DIRAS2: variants seen among roughly 807,000 people sequenced by gnomAD.
DIRAS2 encodes GTP-binding protein Di-Ras2.
In DIRAS2, 5 loss-of-function variants were observed where a neutral mutation model predicts 13.9. The ratio of observed to expected loss-of-function variants is 0.36; its 90% CI spans 0.19 to 0.76. DIRAS2 has a LOEUF of 0.76. DIRAS2 is among the 30% of genes least tolerant of loss of function. The probability of loss-of-function intolerance (pLI) is 0.53; values close to 1 mark genes in which losing one functional copy is unlikely to be tolerated. For synonymous variants in DIRAS2, 111 were observed against 105.4 expected (o/e 1.05, Z -0.33); for missense variants, 191 against 263.0 (o/e 0.73, Z 1.89).
In DIRAS2 at chr9:90,613,060, T is replaced by C; in HGVS notation, c.*168A>G. 1.1e-6 allele frequency: 1 copy of C among 937,548 alleles called. No homozygotes were observed. Among genetic ancestry groups the C allele is most frequent in the Non-Finnish European group, 1.6e-6 (1 of 641,800 alleles). 58.1% of individuals were successfully genotyped at this position (937,548 alleles called of 1,614,324 possible). A position where few individuals can be genotyped will look rare whatever the true frequency, so the allele number is the denominator to read the frequency against. ...ATTCTGTGACTCCAGAGTGGGTGGC[T>C]TACTGTTGGTGGTGTGAAACGCCCT... On this transcript the variant is annotated 3_prime_UTR_variant, in exon 2 of 2. Transcript: ENST00000375765. The surrounding 1 kb of genome is among the most constrained non-coding windows in gnomAD (Gnocchi z 5.6).
In DIRAS2 at chr9:90,611,704, C is replaced by G. The variant is rs1012111281; in HGVS notation, c.*1524G>C. On this transcript the variant is annotated 3_prime_UTR_variant, in exon 2 of 2. Coordinates refer to ENST00000375765, the MANE Select transcript of DIRAS2 (RefSeq NM_017594.5). ...AACAGCCATGCAGCCCCCACCCCCC[C>G]AGGCAGGCCCACGTGGGACTGCAGC... The G allele has an allele frequency of 7.0e-4, 106 of 152,334 alleles. No individual in the cohort carries two copies. Among genetic ancestry groups the G allele is most frequent in the African/African-American group, 2.5e-3 (102 of 41,468 alleles). 9.4% of individuals were successfully genotyped at this position (152,334 alleles called of 1,614,324 possible).
chr9:90,610,488 A>G lies in DIRAS2; in HGVS notation c.*2740T>C. 5.0e-6 allele frequency: 2 copies of G among 399,040 alleles called. No individual in the cohort carries two copies. The highest frequency in any genetic ancestry group is 6.3e-4 in the Middle Eastern group (1 of 1,588). The allele number at this position is 399,040 out of a possible 1,614,324, so 24.7% of individuals were successfully genotyped here. A position where few individuals can be genotyped will look rare whatever the true frequency, so the allele number is the denominator to read the frequency against. ...GTCATGGAGCCCCATGCTCATGCCCAGAGCGCCATCTTCAAAGCAATATTT... is the reference window on the plus strand; with the variant it reads ...GTCATGGAGCCCCATGCTCATGCCCGGAGCGCCATCTTCAAAGCAATATTT... On this transcript the variant is annotated 3_prime_UTR_variant, in exon 2 of 2. Coordinates refer to ENST00000375765, the MANE Select transcript of DIRAS2 (RefSeq NM_017594.5).
chr9:90,619,656 A>T (rs1253043156), intron 1 of DIRAS2, among the ~76,000 whole-genome samples: 1 of 152,218 alleles, frequency 6.6e-6, no homozygotes, highest in East Asian at 1.9e-4. Context: ...TCAAAAGGTT[A>T]AACAGAATTA....
intron 1 of DIRAS2, among the ~76,000 whole-genome samples, chr9:90,614,260 G>A (rs1426863492): frequency 6.7e-6 from 1 of 149,972 alleles, no homozygotes; most frequent in Non-Finnish European, 1.5e-5. Flanking sequence ...GCATATCTTT[G>A]CTGTTTTACC....
intron 1 of DIRAS2, among the ~76,000 whole-genome samples, chr9:90,617,814 TAACTC>T (rs1188975406): frequency 6.6e-6 from 1 of 152,222 alleles, no homozygotes; most frequent in Non-Finnish European, 1.5e-5. Context: ...TTTAAGAAAA[TAACTC>T]AATTTATAAT....
chr9:90,626,441 T>TA (rs35821705), intron 1 of DIRAS2, among the ~76,000 whole-genome samples: 48,775 of 134,794 alleles, frequency 0.36, 9,225 homozygotes, highest in East Asian at 0.61. Flanking sequence ...CCCCATTTCT[T>TA]AAAAAAAAAA....
At chr9:90,624,641 G>T (rs72746510) in intron 1 of DIRAS2, among the ~76,000 whole-genome samples, 4,953 of 152,188 alleles carry the variant, frequency 0.033, 135 homozygotes, top group South Asian at 0.12. Context: ...ACTTATATTT[G>T]TCTAGAACAA....
chr9:90,629,842 T>A (rs1035627206), intron 1 of DIRAS2, among the ~76,000 whole-genome samples: 15 of 151,266 alleles, frequency 9.9e-5, no homozygotes, highest in African/African-American at 3.6e-4. Context: ...TTTATTCCCA[T>A]TTTTTTTTCA....
intron 1 of DIRAS2, among the ~76,000 whole-genome samples, chr9:90,630,382 C>A (rs1378530995): frequency 6.6e-6 from 1 of 152,178 alleles, no homozygotes; most frequent in East Asian, 1.9e-4. Flanking sequence ...TAAAAACTTA[C>A]ACAAAGATAT....
intron 1 of DIRAS2, among the ~76,000 whole-genome samples, chr9:90,634,209 C>A (rs1389749556): frequency 6.6e-6 from 1 of 152,060 alleles, no homozygotes; most frequent in Non-Finnish European, 1.5e-5. Flanking sequence ...AGTGAAGTGA[C>A]CTTGGATGAT....
chr9:90,632,431 C>G (rs888237054), intron 1 of DIRAS2, among the ~76,000 whole-genome samples: 1 of 152,196 alleles, frequency 6.6e-6, no homozygotes, highest in Non-Finnish European at 1.5e-5. Context: ...TCCCACAGGC[C>G]TGTGTTAAAA....
At chr9:90,641,946 A>G (rs1825422325) in intron 1 of DIRAS2, among the ~76,000 whole-genome samples, 1 of 152,240 alleles carries the variant, frequency 6.6e-6, no homozygotes, top group African/African-American at 2.4e-5. Context: ...ATTCCACCAC[A>G]ATGTTGTATT....
chr9:90,629,329 C>T (rs1421830655), intron 1 of DIRAS2, among the ~76,000 whole-genome samples: 1 of 152,086 alleles, frequency 6.6e-6, no homozygotes, highest in African/African-American at 2.4e-5. Context: ...CAATGTGTTA[C>T]AAAATTTAAA....
In DIRAS2 at chr9:90,613,489, G is replaced by A; in HGVS notation, c.339C>T (p.Ser113=). ...TGTTCCCCACCAGCATGATGGGGAT[G>A]CTCTCCACGTCCCCTTTGATCTCGC... ...QICEIKGDVE[S]IPIMLVGNKC... is the part of the protein sequence containing the mutation. The change falls in exon 2 of 2, where the codon AGC becomes AGT. Residue 113 remains serine, a synonymous_variant. Transcript: ENST00000375765. The surrounding 1 kb of genome is among the most constrained non-coding windows in gnomAD (Gnocchi z 5.6). 1 of 1,614,126 alleles carries A rather than the reference G, an allele frequency of 6.2e-7. No individual in the cohort carries two copies. Among genetic ancestry groups the A allele is most frequent in the Non-Finnish European group, 8.5e-7 (1 of 1,180,030 alleles).
chr9:90,631,853 T>C (rs1351980269), intron 1 of DIRAS2, among the ~76,000 whole-genome samples: 1 of 152,156 alleles, frequency 6.6e-6, no homozygotes, highest in East Asian at 1.9e-4. Flanking sequence ...CTAAACACCC[T>C]GTAACACCCG....
rs1825122339 is a variant in DIRAS2, at chr9:90,612,338, C to G, written c.*890G>C. The G allele has an allele frequency of 6.6e-6, 1 of 152,428 alleles. No individual in the cohort carries two copies. The allele number at this position is 152,428 out of a possible 1,614,324, so 9.4% of individuals were successfully genotyped here. A position where few individuals can be genotyped will look rare whatever the true frequency, so the allele number is the denominator to read the frequency against. ...CGAGTTATTTAAGAGAAGAAAACCA[C>G]CTTGGAGGAAAAAAACGTCTAAAAA... On this transcript the variant is annotated 3_prime_UTR_variant, in exon 2 of 2. Coordinates refer to ENST00000375765, the MANE Select transcript of DIRAS2 (RefSeq NM_017594.5).
chr9:90,630,258 G>C (rs1222522878), intron 1 of DIRAS2, among the ~76,000 whole-genome samples: 1 of 152,152 alleles, frequency 6.6e-6, no homozygotes, highest in Non-Finnish European at 1.5e-5. Context: ...TTGTGTGTGT[G>C]ATCCAACAAA....
Position 90,631,968 on chromosome 9 carries a change from T to G in DIRAS2, c.-37+10784A>C, listed in dbSNP as rs531970613. Among the ~76,000 whole-genome samples the G allele has an allele frequency of 7.2e-5, 11 of 152,336 alleles. No homozygotes were observed. In the South Asian group the frequency reaches 2.3e-3, roughly 32 times the overall value. Reference sequence around the variant, plus strand: ...GTCCTCCTTACCTCCTCTTGTTCTCTTATACTTCAAGTCCACTCCATCAGC... The same window carrying G: ...GTCCTCCTTACCTCCTCTTGTTCTCGTATACTTCAAGTCCACTCCATCAGC... On this transcript the variant is annotated intron_variant, in intron 1 of 1. Transcript: ENST00000375765.
intron 1 of DIRAS2, among the ~76,000 whole-genome samples, chr9:90,628,393 T>C (rs1420914338): frequency 6.6e-6 from 1 of 152,214 alleles, no homozygotes; most frequent in Admixed American, 6.5e-5. Flanking sequence ...TATCAGTACT[T>C]TACTGCCACC....
Sources: gnomAD v4.1 joint callset for allele counts (sites outside exome capture counted in the v4.1 genomes callset) on GRCh38, gnomAD v4.1.1 for gene constraint, Gnocchi (gnomAD v3.1) non-coding constraint, MANE v1.5 for transcripts, NCBI Gene and HGNC (gene_info 2026-07-23, HGNC 2026-07-21) for gene names.